The following SHISA5 variants were observed in gnomAD, a reference collection of about 807,000 sequenced individuals.
SHISA5 encodes protein shisa-5.
Under a neutral mutation model 27.5 loss-of-function variants are expected in SHISA5, and 21 were observed. That is an observed-to-expected ratio of 0.76 (90% CI 0.54 to 1.10). The LOEUF (loss-of-function observed/expected upper bound fraction) is 1.10. Ranked by LOEUF, SHISA5 falls within the 50% of genes least tolerant of loss-of-function variation. SHISA5 has a pLI of 0.00. For synonymous variants in SHISA5, 137 were observed against 142.2 expected (o/e 0.96, Z 0.26); for missense variants, 314 against 336.3 (o/e 0.93, Z 0.52).
intron 1 of SHISA5, chr3:48,503,649 G>T (rs2041818489): frequency 2.0e-6 from 2 of 990,124 alleles, no homozygotes; most frequent in Non-Finnish European, 2.5e-6. Flanking sequence ...GGCAAAGAGG[G>T]AAGGCCTCTG....
chr3:48,480,999 G>A (rs912315476), intron 2 of SHISA5, among the ~76,000 whole-genome samples: 2 of 152,110 alleles, frequency 1.3e-5, no homozygotes, highest in African/African-American at 4.8e-5. Context: ...GGAGTCTGAG[G>A]GAGGAGAATT....
intron 1 of SHISA5, among the ~76,000 whole-genome samples, chr3:48,503,566 C>T (rs2041815864): frequency 6.6e-6 from 1 of 152,238 alleles, no homozygotes; most frequent in South Asian, 2.1e-4. Context: ...CAGAGGCCAG[C>T]CTCAGCGCCG....
At chr3:48,494,841 T>C (rs1485007061) in intron 2 of SHISA5, among the ~76,000 whole-genome samples, 1 of 147,470 alleles carries the variant, frequency 6.8e-6, no homozygotes, top group Non-Finnish European at 1.5e-5. Flanking sequence ...TGGGGGACCC[T>C]CCTACTTTTT....
At chr3:48,502,874 C>G (rs1232113091) in intron 1 of SHISA5, among the ~76,000 whole-genome samples, 1 of 152,232 alleles carries the variant, frequency 6.6e-6, no homozygotes, top group Admixed American at 6.5e-5. Context: ...TGTGCAGCAT[C>G]TGGTGCCCGG....
chr3:48,469,321 C>T lies in SHISA5; in HGVS notation c.643+40G>A, dbSNP rs779228190. ...TGCCCGAGGGATGCTGGCAGAGACT[C>T]GGGAAGTCGGGCAGGGCTAGAGTTG... On this transcript the variant is annotated intron_variant, in intron 5 of 5. Transcript: ENST00000296444. This position sits in a 1 kb window ranked among gnomAD's most constrained non-coding sequence, Gnocchi z 4.6. 108 of 1,566,234 alleles carry T rather than the reference C, an allele frequency of 6.9e-5. 2 individuals carry two copies. In the South Asian group the frequency reaches 1.0e-3, roughly 15 times the overall value.
rs1299079559 is a variant in SHISA5 at position 48,501,237 on chromosome 3, G to A, written c.133C>T (p.Pro45Ser). 7 of 1,613,970 alleles carry A rather than the reference G, an allele frequency of 4.3e-6. No homozygotes were observed. The highest frequency in any genetic ancestry group is 2.2e-5 in the East Asian group (1 of 44,888). ...TCACAGGTACCACAGCAGAAATCTG[G>A]ACAGGACTCGGGGAAGAGGCTGAGT... is the stretch of plus-strand genomic sequence containing the variant. ...RGLSLFPESC[P>S]DFCCGTCDDQ... Residue 45 changes from proline (P) to serine (S), a missense_variant, in exon 2 of 6, where the codon CCA becomes TCA. By Grantham distance (74) the Pro-to-Ser change is moderately conservative. Transcript: ENST00000296444.
rs186967583 is a variant in SHISA5 at position 48,496,529 on chromosome 3, G to A, written c.233+4608C>T. On this transcript the variant is annotated intron_variant, in intron 2 of 5. Transcript: ENST00000296444. ...ATGGATCACCTGAGGTCGGGAGCTCGAGACCAGCCTGGCCAACATGATGAA... is the reference window on the plus strand; with the variant it reads ...ATGGATCACCTGAGGTCGGGAGCTCAAGACCAGCCTGGCCAACATGATGAA... 1.8e-3 allele frequency among the ~76,000 whole-genome samples: 267 copies of A among 151,930 alleles called. 1 individual carries two copies. The highest frequency in any genetic ancestry group is 6.2e-3 in the African/African-American group (259 of 41,454).
At chr3:48,495,538 G>A (rs1284775069) in intron 2 of SHISA5, among the ~76,000 whole-genome samples, 1 of 146,078 alleles carries the variant, frequency 6.8e-6, no homozygotes, top group East Asian at 2.0e-4. Context: ...TTCGGGGGCA[G>A]GGATGGAGTC....
chr3:48,488,521 C>A (rs2041320872), intron 2 of SHISA5, among the ~76,000 whole-genome samples: 1 of 148,630 alleles, frequency 6.7e-6, no homozygotes, highest in Non-Finnish European at 1.5e-5. Flanking sequence ...GCCACCGCAC[C>A]CAGCCAACTG....
Position 48,468,734 on chromosome 3 carries a change from T to G in SHISA5, c.*373A>C, listed in dbSNP as rs2040455302. The G allele has an allele frequency of 7.5e-7, 1 of 1,332,208 alleles. No homozygotes were observed. The highest frequency in any genetic ancestry group is 9.8e-7 in the Non-Finnish European group (1 of 1,018,044). 82.5% of individuals were successfully genotyped at this position (1,332,208 alleles called of 1,614,324 possible). On this transcript the variant is annotated 3_prime_UTR_variant, in exon 6 of 6. Transcript: ENST00000296444. ...GCCACCCTGGTGTGACAGGCCCTACTTGGTCACCCTAGGGTAAGCTGGAGA... is the reference window on the plus strand; with the variant it reads ...GCCACCCTGGTGTGACAGGCCCTACGTGGTCACCCTAGGGTAAGCTGGAGA...
In SHISA5 at chr3:48,467,952, C is replaced by G. The variant is rs1160369998; in HGVS notation, c.*1155G>C. 6.7e-6 allele frequency: 2 copies of G among 297,934 alleles called. No individual in the cohort carries two copies. The highest frequency in any genetic ancestry group is 1.2e-5 in the Non-Finnish European group (2 of 164,790). The allele number at this position is 297,934 out of a possible 1,614,324, so 18.5% of individuals were successfully genotyped here. A position where few individuals can be genotyped will look rare whatever the true frequency, so the allele number is the denominator to read the frequency against. On this transcript the variant is annotated 3_prime_UTR_variant, in exon 6 of 6. Transcript: ENST00000296444. ...ACACAACAGATTTGAGCTAAGACAG[C>G]TCTGGTGAAACAGTAATAGAGGGAG...
chr3:48,502,524 G>A, intron 1 of SHISA5: 1 of 384,472 alleles, frequency 2.6e-6, no homozygotes, highest in Non-Finnish European at 5.4e-6. Context: ...AATAAACGAG[G>A]TCATGCTGAG....
intron 2 of SHISA5, among the ~76,000 whole-genome samples, chr3:48,487,399 T>G (rs1171423594): frequency 6.6e-6 from 1 of 152,204 alleles, no homozygotes; most frequent in Non-Finnish European, 1.5e-5. Flanking sequence ...ATGTTTATAG[T>G]TTGTATGTTT....
intron 2 of SHISA5, among the ~76,000 whole-genome samples, chr3:48,490,086 T>C (rs2041377628): frequency 6.6e-6 from 1 of 152,132 alleles, no homozygotes; most frequent in Non-Finnish European, 1.5e-5. Context: ...GCTTTTTTTC[T>C]GAGACGGAGT....
intron 3 of SHISA5, among the ~76,000 whole-genome samples, chr3:48,476,138 C>T (rs773404635): frequency 1.3e-5 from 2 of 152,016 alleles, no homozygotes; most frequent in African/African-American, 2.4e-5. Flanking sequence ...GTCAGGAGCT[C>T]GAGACCAGTC....
At chr3:48,471,483 AG>A (rs1454502970) in intron 3 of SHISA5, among the ~76,000 whole-genome samples, 2 of 135,302 alleles carry the variant, frequency 1.5e-5, no homozygotes, top group Non-Finnish European at 3.1e-5. Flanking sequence ...TGAACCCAGG[AG>A]GTGGAGGTTG....
In SHISA5 at chr3:48,469,482, G is replaced by A. The variant is rs1160589419; in HGVS notation, c.522C>T (p.Tyr174=). 1 of 1,613,960 alleles carries A rather than the reference G, an allele frequency of 6.2e-7. No individual in the cohort carries two copies. ...SVPPSYPGPS[Y]QGYHTMPPQP... ...GAGGCGGCATGGTGTGGTAGCCCTG[G>A]TAGCTTGGTCCAGGGTAGCTGGGCG... Residue 174 remains tyrosine (Y), a synonymous_variant, in exon 5 of 6, where the codon TAC becomes TAT. Coordinates refer to ENST00000296444, the MANE Select transcript of SHISA5 (RefSeq NM_016479.6). This position sits in a 1 kb window ranked among gnomAD's most constrained non-coding sequence, Gnocchi z 4.6.
chr3:48,468,825 C>G lies in SHISA5; in HGVS notation c.*282G>C. The stretch of plus-strand genomic sequence containing the variant: ...GGGCCACCTCACAGGGTGCCCCCCA[C>G]CACCCCATTCTTTGAGTTTGGCTTG... On this transcript the variant is annotated 3_prime_UTR_variant, in exon 6 of 6. Coordinates refer to ENST00000296444, the MANE Select transcript of SHISA5 (RefSeq NM_016479.6). 9.5e-6 allele frequency: 14 copies of G among 1,477,730 alleles called. No homozygotes were observed. The highest frequency in any genetic ancestry group is 1.3e-5 in the Non-Finnish European group (14 of 1,109,758). The allele number at this position is 1,477,730 out of a possible 1,614,324, so 91.5% of individuals were successfully genotyped here.
chr3:48,492,484 A>G lies in SHISA5; in HGVS notation c.233+8653T>C, dbSNP rs1457133467. 2.0e-5 allele frequency among the ~76,000 whole-genome samples: 3 copies of G among 147,798 alleles called. 1 individual carries two copies. The highest frequency in any genetic ancestry group is 2.0e-4 in the Admixed American group (3 of 15,098). ...GACTCCGTCTCATAAGAAAAAAAAG[A>G]GGTAATTAGGTTTAGATGAGATCAT... On this transcript the variant is annotated intron_variant, in intron 2 of 5. Coordinates refer to ENST00000296444, the MANE Select transcript of SHISA5 (RefSeq NM_016479.6).
Sources: allele counts gnomAD v4.1 joint callset (sites outside exome capture counted in the v4.1 genomes callset), GRCh38; gene constraint gnomAD v4.1.1; non-coding constraint Gnocchi (gnomAD v3.1); transcripts MANE v1.5; gene names NCBI Gene and HGNC (gene_info 2026-07-23, HGNC 2026-07-21).